The following SERPINF1 variants were observed in gnomAD, a reference collection of about 807,000 sequenced individuals.
The protein encoded by SERPINF1 is serpin family F member 1.
Under a neutral mutation model 37.3 loss-of-function variants are expected in SERPINF1, and 29 were observed. The ratio of observed to expected loss-of-function variants is 0.78; its 90% CI spans 0.58 to 1.06. The LOEUF (loss-of-function observed/expected upper bound fraction) is 1.06, where lower values mean the gene tolerates loss of function less well. SERPINF1 is among the 50% of genes least tolerant of loss of function. The pLI, the probability that SERPINF1 is intolerant of heterozygous loss-of-function variation, is 0.00. For missense variants in SERPINF1, 553 were observed against 532.2 expected (o/e 1.04, Z -0.38); for synonymous variants, 281 against 227.9 (o/e 1.23, Z -2.10).
intron 7 of SERPINF1, 113 bp downstream of exon 7, chr17:1,776,855 G>A (rs1389124206): frequency 1.0e-5 from 10 of 970,586 alleles, no homozygotes; most frequent in East Asian, 9.8e-5. Context: ...TAGGGGGGCC[G>A]TGGATGAGTC....
chr17:1,766,726 C>T, intron 1 of SERPINF1, 177 bp from the exon 2 acceptor site: 1 of 590,358 alleles, frequency 1.7e-6, no homozygotes, highest in African/African-American at 2.1e-5. Context: ...GATGGGCCAT[C>T]AAGCTGAGGG....
rs1908050781 is a variant in SERPINF1 at position 1,776,669 on chromosome 17, G to A, written c.924G>A (p.Val308=). The A allele has an allele frequency of 6.2e-7, 1 of 1,613,936 alleles. No homozygotes were observed. Among genetic ancestry groups the A allele is most frequent in the Non-Finnish European group, 8.5e-7 (1 of 1,180,006 alleles). The change falls in exon 7 of 8, where the codon GTG becomes GTA. Residue 308 remains valine (V), a synonymous_variant. Coordinates refer to ENST00000254722, the MANE Select transcript of SERPINF1 (RefSeq NM_002615.7). ...ACATAGACCGAGAACTGAAGACCGT[G>A]CAGGCGGTCCTCACTGTCCCCAAGC... ...IHDIDRELKT[V]QAVLTVPKLK...
chr17:1,771,081 G>C lies in SERPINF1; in HGVS notation c.336G>C (p.Leu112Phe). ...SIIHRALYYD[L>F]ISSPDIHGTY... ...TTCACCGGGCTCTCTACTATGACTT[G>C]ATCAGCAGCCCAGACATCCATGGTA... Residue 112 changes from leucine to phenylalanine, a missense_variant, in exon 4 of 8, where the codon TTG (leucine) becomes TTC (phenylalanine). Coordinates refer to ENST00000254722, the MANE Select transcript of SERPINF1 (RefSeq NM_002615.7). The C allele has an allele frequency of 6.2e-7, 1 of 1,614,084 alleles. No homozygotes were observed. The highest frequency in any genetic ancestry group is 1.7e-5 in the Admixed American group (1 of 59,990).
chr17:1,777,460 T>C lies in SERPINF1; in HGVS notation c.*14T>C, dbSNP rs769840108. On this transcript the variant is annotated 3_prime_UTR_variant, in exon 8 of 8. Coordinates refer to ENST00000254722, the MANE Select transcript of SERPINF1 (RefSeq NM_002615.7). ...AGGGGCCCCTAATATCCCAGTTTAA[T>C]ATTCCAATACCCTAGAAGAAAACCC... 3.7e-6 allele frequency: 6 copies of C among 1,614,004 alleles called. 1 individual carries two copies. In the South Asian group the frequency reaches 4.4e-5, roughly 12 times the overall value.
In SERPINF1 at chr17:1,769,983, G is replaced by A. The variant is rs758680271; in HGVS notation, c.216G>A (p.Thr72=). 1.9e-6 allele frequency: 3 copies of A among 1,614,142 alleles called. No individual in the cohort carries two copies. Among genetic ancestry groups the A allele is most frequent in the South Asian group, 1.1e-5 (1 of 91,076 alleles). The part of the protein sequence containing the change: ...GYDLYRVRSS[T]SPTTNVLLSP... ...ACCTGTACCGGGTGCGATCCAGCAC[G>A]AGCCCCACGACCAACGTGCTCCTGT... The change falls in exon 3 of 8, where the codon ACG becomes ACA. Residue 72 remains threonine (T), a synonymous_variant. Coordinates refer to ENST00000254722, the MANE Select transcript of SERPINF1 (RefSeq NM_002615.7).
At chr17:1,769,762 C>A (rs1907600899) in intron 2 of SERPINF1, 90 bp from the exon 3 acceptor site, 2 of 1,440,954 alleles carry the variant, frequency 1.4e-6, no homozygotes, top group Non-Finnish European at 9.8e-7. Flanking sequence ...GGGCCAGAAC[C>A]ACCACCCTAC....
At chr17:1,770,567 C>G (rs1284603591) in intron 3 of SERPINF1, 1 of 231,026 alleles carries the variant, frequency 4.3e-6, no homozygotes, top group Non-Finnish European at 8.6e-6. Context: ...TCAAGGAATT[C>G]TCCTGCCTCA....
chr17:1,765,441 C>T (rs1385052751), intron 1 of SERPINF1, among the ~76,000 whole-genome samples: 1 of 151,980 alleles, frequency 6.6e-6, no homozygotes, highest in Non-Finnish European at 1.5e-5. Context: ...CCTGCCTCAG[C>T]CTCCTGAGTA....
intron 2 of SERPINF1, among the ~76,000 whole-genome samples, chr17:1,769,387 C>G (rs370838268): frequency 5.6e-5 from 8 of 143,654 alleles, no homozygotes; most frequent in Non-Finnish European, 1.2e-4. Context: ...CCAGCCTGAG[C>G]GACAGAGCGA....
chr17:1,767,972 G>A (rs1640181597), intron 2 of SERPINF1, among the ~76,000 whole-genome samples: 1 of 152,112 alleles, frequency 6.6e-6, no homozygotes, highest in Admixed American at 6.6e-5. Flanking sequence ...GGGAGGCGGA[G>A]CAGGATGATC....
Position 1,777,226 on chromosome 17 carries a change from T to A in SERPINF1, c.1037T>A (p.Ile346Asn). 7 of 1,614,066 alleles carry A rather than the reference T, an allele frequency of 4.3e-6. No individual in the cohort carries two copies. The highest frequency in any genetic ancestry group is 5.9e-6 in the Non-Finnish European group (7 of 1,180,020). Residue 346 changes from isoleucine (I) to asparagine (N), a missense_variant, in exon 8 of 8, where the codon ATC becomes AAC. Physicochemically the swap from Ile to Asn is moderately radical, Grantham distance 149. Coordinates refer to ENST00000254722, the MANE Select transcript of SERPINF1 (RefSeq NM_002615.7). ...SLFDSPDFSK[I>N]TGKPIKLTQV... ...TTTGATTCACCAGACTTTAGCAAGA[T>A]CACAGGCAAACCCATCAAGCTGACT...
In SERPINF1 at chr17:1,776,580, C is replaced by A; in HGVS notation, c.835C>A (p.Pro279Thr). The change falls in exon 7 of 8, where the codon CCC becomes ACC. Residue 279 changes from proline to threonine, a missense_variant. Transcript: ENST00000254722. ...AAGCATGAGTATCATCTTCTTCCTGCCCCTGAAAGTGACCCAGAATTTGAC... is the reference window on the plus strand; with the variant it reads ...AAGCATGAGTATCATCTTCTTCCTGACCCTGAAAGTGACCCAGAATTTGAC... ...TGSMSIIFFLPLKVTQNLTLI... is the reference protein window; with the variant it reads ...TGSMSIIFFLTLKVTQNLTLI... 1 of 1,614,038 alleles carries A rather than the reference C, an allele frequency of 6.2e-7. No individual in the cohort carries two copies. Among genetic ancestry groups the A allele is most frequent in the Non-Finnish European group, 8.5e-7 (1 of 1,180,026 alleles).
rs574453654 is a variant in SERPINF1 at position 1,765,009 on chromosome 17, A to C, written c.-8-1894A>C. 7.3e-5 allele frequency among the ~76,000 whole-genome samples: 11 copies of C among 151,202 alleles called. No individual in the cohort carries two copies. The East Asian group carries it at 2.0e-3, about 27-fold the overall frequency. On this transcript the variant is annotated intron_variant, in intron 1 of 7. Coordinates refer to ENST00000254722, the MANE Select transcript of SERPINF1 (RefSeq NM_002615.7). ...CAGGCATGCGCCACCACACCCGGCT[A>C]ATTTTTGTATTTTTAGTAGAGATGG...
chr17:1,775,816 G>A (rs766266437), intron 6 of SERPINF1, among the ~76,000 whole-genome samples: 11 of 152,214 alleles, frequency 7.2e-5, no homozygotes, highest in Non-Finnish European at 1.3e-4. Context: ...TTCCAGGCAT[G>A]AGCCACCACG....
In SERPINF1 at chr17:1,771,919, G is replaced by A. The variant is rs778578164; in HGVS notation, c.487G>A (p.Gly163Arg). The change falls in exon 5 of 8, where the codon GGG becomes AGG. Residue 163 changes from glycine to arginine, a missense_variant. Transcript: ENST00000254722. ...TGTGGCACCTCTGGAAAAGTCATAT[G>A]GGACCAGGCCCAGAGTCCTGACGGG... ...SFVAPLEKSY[G>R]TRPRVLTGNP... The A allele has an allele frequency of 1.5e-5, 24 of 1,613,848 alleles. No individual in the cohort carries two copies. The highest frequency in any genetic ancestry group is 1.9e-5 in the Non-Finnish European group (22 of 1,180,018).
At chr17:1,770,443 C>G (rs1184532637) in intron 3 of SERPINF1, 2 of 269,048 alleles carry the variant, frequency 7.4e-6, no homozygotes, top group East Asian at 1.8e-4. Context: ...CAGCTCACTA[C>G]AGAATAGTCT....
chr17:1,767,663 G>T (rs1907467712), intron 2 of SERPINF1, among the ~76,000 whole-genome samples: 1 of 152,180 alleles, frequency 6.6e-6, no homozygotes, highest in African/African-American at 2.4e-5. Context: ...GTTGGCGGAG[G>T]CCCACCCTTG....
rs1597350059 is a variant in SERPINF1 at position 1,769,995 on chromosome 17, C to T, written c.228C>T (p.Thr76=). ...YRVRSSTSPT[T]NVLLSPLSVA... is the part of the protein sequence containing the mutation. Reference sequence around the variant, plus strand: ...TGCGATCCAGCACGAGCCCCACGACCAACGTGCTCCTGTCTCCTCTCAGTG... The same window carrying T: ...TGCGATCCAGCACGAGCCCCACGACTAACGTGCTCCTGTCTCCTCTCAGTG... The change falls in exon 3 of 8, where the codon ACC becomes ACT. Residue 76 remains threonine, a synonymous_variant. Coordinates refer to ENST00000254722, the MANE Select transcript of SERPINF1 (RefSeq NM_002615.7). The T allele has an allele frequency of 6.2e-7, 1 of 1,614,058 alleles. No homozygotes were observed. Among genetic ancestry groups the T allele is most frequent in the Non-Finnish European group, 8.5e-7 (1 of 1,180,006 alleles).
At chr17:1,769,736 G>C (rs1211886013) in intron 2 of SERPINF1, 116 bp from the exon 3 acceptor site, 1 of 1,136,850 alleles carries the variant, frequency 8.8e-7, no homozygotes, top group Non-Finnish European at 1.3e-6. Flanking sequence ...GAAAAATTAG[G>C]AAGGACAGCC....
Sources: allele counts gnomAD v4.1 joint callset (sites outside exome capture counted in the v4.1 genomes callset), GRCh38; gene constraint gnomAD v4.1.1; transcripts MANE v1.5; gene names NCBI Gene and HGNC (gene_info 2026-07-23, HGNC 2026-07-21).